CEP170: variants seen among roughly 807,000 people sequenced by gnomAD.
CEP170 encodes the protein centrosomal protein 170, also known as centrosomal protein of 170 kDa.
In CEP170, 21 loss-of-function variants were observed where a neutral mutation model predicts 151.9. That is an observed-to-expected ratio of 0.14 (90% CI 0.10 to 0.20). The LOEUF (loss-of-function observed/expected upper bound fraction) is 0.20. Among genes scored for constraint, CEP170 ranks in the 10% least tolerant of loss-of-function variants. The pLI is 1.00. For missense variants in CEP170, 964 were observed against 1,892.9 expected, an observed-to-expected ratio of 0.51 and a Z score of 9.11; for synonymous variants, 356 against 648.8, an observed-to-expected ratio of 0.55 and a Z score of 6.86.
At chr1:243,236,277 T>A (rs2064249216) in intron 1 of CEP170, among the ~76,000 whole-genome samples, 1 of 152,196 alleles carries the variant, frequency 6.6e-6, no homozygotes, top group South Asian at 2.1e-4. Flanking sequence ...TTCCCACAAA[T>A]CACTATCTCC....
chr1:243,169,427 A>C (rs1211219370), intron 12 of CEP170: 1 of 955,728 alleles, frequency 1.0e-6, no homozygotes, highest in African/African-American at 1.7e-5. Flanking sequence ...TACTTATAAA[A>C]TGAATTCATT....
At position 243,200,474 on chromosome 1, in the gene CEP170, C is replaced by T. The variant is rs764988474; in HGVS notation, c.496+44G>A. Reference sequence around the variant, plus strand: ...CTGAGAACAAAGCATGCAGTGTCTTCAAGATCAAGTATAAAGATGGTCTTT... The same window carrying T: ...CTGAGAACAAAGCATGCAGTGTCTTTAAGATCAAGTATAAAGATGGTCTTT... On this transcript the variant is annotated intron_variant, in intron 6 of 19. Coordinates refer to ENST00000366542, the MANE Select transcript of CEP170 (RefSeq NM_014812.3). The T allele has an allele frequency of 3.2e-6, 5 of 1,580,988 alleles. No individual in the cohort carries two copies. In the South Asian group the frequency reaches 3.4e-5, roughly 11 times the overall value.
intron 10 of CEP170, among the ~76,000 whole-genome samples, chr1:243,175,873 T>C (rs1241134891): frequency 1.3e-5 from 2 of 152,202 alleles, no homozygotes; most frequent in Non-Finnish European, 2.9e-5. Context: ...CTCGGCTCAC[T>C]GCAAGCTCCG....
chr1:243,206,848 A>G (rs956024274), intron 4 of CEP170, among the ~76,000 whole-genome samples: 1 of 152,240 alleles, frequency 6.6e-6, no homozygotes, highest in Non-Finnish European at 1.5e-5. Flanking sequence ...AAAGTGGTAT[A>G]ATGTTACTTG....
intron 13 of CEP170, among the ~76,000 whole-genome samples, chr1:243,157,056 G>A (rs2057630521): frequency 6.6e-6 from 1 of 152,028 alleles, no homozygotes; most frequent in South Asian, 2.1e-4. Flanking sequence ...ATCTTTTTAC[G>A]TGGTAAAAAA....
chr1:243,146,096 T>G (rs1465652026), intron 14 of CEP170, among the ~76,000 whole-genome samples: 2 of 152,236 alleles, frequency 1.3e-5, no homozygotes, highest in South Asian at 2.1e-4. Context: ...ACACCACATG[T>G]TCTCACTTGT....
chr1:243,212,689 T>C (rs2061920845), intron 3 of CEP170, among the ~76,000 whole-genome samples: 1 of 818 alleles, frequency 1.2e-3, no homozygotes, highest in African/African-American at 1.4e-3. Flanking sequence ...TTTTCTTTCT[T>C]CTCTCTCTCT....
chr1:243,253,009 T>C (rs1278112037), intron 1 of CEP170: 1 of 152,332 alleles, frequency 6.6e-6, no homozygotes, highest in South Asian at 2.1e-4. Flanking sequence ...GTTCTTGTTA[T>C]GCGGAAATTT....
rs201915068 is a variant in CEP170, at chr1:243,156,399, A to G, written c.3733T>C (p.Phe1245Leu). 222 of 1,554,820 alleles carry G rather than the reference A, an allele frequency of 1.4e-4. 1 individual carries two copies. The Middle Eastern group carries it at 2.0e-3, about 14-fold the overall frequency. The change falls in exon 14 of 20, where the codon TTT becomes CTT. Residue 1245 changes from phenylalanine to leucine, a missense_variant. By Grantham distance (22) the Phe-to-Leu change is conservative (BLOSUM62 0). Transcript: ENST00000366542. ...TTAGGGGAATTACGGTTTGATCCAA[A>G]TTCATCTTCTGAGGTGGAAGCATAA... The part of the protein sequence containing the change: ...TDYASTSEDE[F>L]GSNRNSPKHT...
chr1:243,200,220 C>T (rs191887383), intron 6 of CEP170, among the ~76,000 whole-genome samples: 1 of 151,996 alleles, frequency 6.6e-6, no homozygotes, highest in Non-Finnish European at 1.5e-5. Context: ...ACTTGAGCAT[C>T]GTGAATTCTG....
In CEP170 at chr1:243,185,943, C is replaced by G. The variant is rs779398334; in HGVS notation, c.1402G>C (p.Gly468Arg). 1 of 1,613,682 alleles carries G rather than the reference C, an allele frequency of 6.2e-7. No individual in the cohort carries two copies. Among genetic ancestry groups the G allele is most frequent in the Non-Finnish European group, 8.5e-7 (1 of 1,179,710 alleles). ...TCCATCTCCTGGCTTGGTCTGTGCC[C>G]AAGACTCCCTGAACTTCTTAATAAT... is the stretch of plus-strand genomic sequence containing the variant. ...TALLRSSGSL[G>R]HRPSQEMDKM... Residue 468 changes from glycine to arginine, a missense_variant, in exon 10 of 20, where the codon GGG becomes CGG. Physicochemically the swap from Gly to Arg is moderately radical, Grantham distance 125 (BLOSUM62 -2). Coordinates refer to ENST00000366542, the MANE Select transcript of CEP170 (RefSeq NM_014812.3). The surrounding 1 kb of genome is among the most constrained non-coding windows in gnomAD (Gnocchi z 4.9).
intron 1 of CEP170, among the ~76,000 whole-genome samples, chr1:243,246,284 T>C (rs1459347619): frequency 7.0e-6 from 1 of 142,742 alleles, no homozygotes; most frequent in Non-Finnish European, 1.5e-5. Context: ...CAGGCTGGAG[T>C]GCAGTGGAGC....
intron 13 of CEP170, among the ~76,000 whole-genome samples, chr1:243,159,458 A>G (rs1310610070): frequency 6.6e-6 from 1 of 152,244 alleles, no homozygotes; most frequent in East Asian, 1.9e-4. Context: ...ATTTGCTTCC[A>G]AACTATAGCA....
At chr1:243,166,358 A>G (rs1202912424) in intron 12 of CEP170, among the ~76,000 whole-genome samples, 3 of 152,192 alleles carry the variant, frequency 2.0e-5, no homozygotes. Flanking sequence ...AATACCTAAT[A>G]CAATGTAAAA....
rs1000294404 is a variant in CEP170, at chr1:243,233,673, C to T, written c.-41-8352G>A. ...GTGTGAACCCAGGAGGCGGAGCTTA[C>T]AGTGAGCCAAGATCACGCCACTGTA... On this transcript the variant is annotated intron_variant, in intron 1 of 19. Coordinates refer to ENST00000366542, the MANE Select transcript of CEP170 (RefSeq NM_014812.3). 4.1e-5 allele frequency among the ~76,000 whole-genome samples: 6 copies of T among 146,426 alleles called. No homozygotes were observed. The East Asian group carries it at 1.2e-3, about 29-fold the overall frequency.
rs531486579 is a variant in CEP170 at position 243,236,925 on chromosome 1, C to G, written c.-41-11604G>C. On this transcript the variant is annotated intron_variant, in intron 1 of 19. Transcript: ENST00000366542. ...GTCTGCAATTAATTTTAGCATATCA[C>G]TAATTCTTGTGCCCTTTAAAAATGG... Among the ~76,000 whole-genome samples the G allele has an allele frequency of 2.4e-4, 37 of 152,346 alleles. No homozygotes were observed. The South Asian group carries it at 6.4e-3, about 26-fold the overall frequency.
At chr1:243,138,944 C>A (rs560253057) in intron 16 of CEP170, among the ~76,000 whole-genome samples, 2 of 152,248 alleles carry the variant, frequency 1.3e-5, no homozygotes, top group South Asian at 4.1e-4. Flanking sequence ...CATAAGAAAG[C>A]CTATGTAGCT....
intron 8 of CEP170, among the ~76,000 whole-genome samples, chr1:243,189,847 CAATT>C (rs1170084587): frequency 6.6e-6 from 1 of 152,102 alleles, no homozygotes; most frequent in African/African-American, 2.4e-5. Flanking sequence ...CAAAATGTCT[CAATT>C]ACGTATTGTC....
rs1572292931 is a variant in CEP170 at position 243,154,253 on chromosome 1, T to C, written c.3911+1968A>G. Among the ~76,000 whole-genome samples the C allele has an allele frequency of 2.0e-5, 3 of 152,296 alleles. No homozygotes were observed. In the South Asian group the frequency reaches 6.2e-4, roughly 31 times the overall value. On this transcript the variant is annotated intron_variant, in intron 14 of 19. Transcript: ENST00000366542. ...AAAAATCACTATTATCTTTTTCAAA[T>C]AAAAGTGTCTTTATCTATTACTCTT...
Sources: allele counts gnomAD v4.1 joint callset (sites outside exome capture counted in the v4.1 genomes callset), GRCh38; gene constraint gnomAD v4.1.1; non-coding constraint Gnocchi (gnomAD v3.1); transcripts MANE v1.5; gene names NCBI Gene and HGNC (gene_info 2026-07-23, HGNC 2026-07-21).